SALL4: variants seen among roughly 807,000 people sequenced by gnomAD.
The protein encoded by SALL4 is sal-like protein 4.
SALL4 carries 4 observed loss-of-function variants against 60.8 expected under a neutral mutation model. The ratio of observed to expected loss-of-function variants is 0.07; its 90% confidence interval spans 0.03 to 0.15. SALL4 has a LOEUF of 0.15. Among genes scored for constraint, SALL4 ranks in the 10% least tolerant of loss-of-function variants. The probability of loss-of-function intolerance (pLI) is 1.00; values close to 1 mark genes in which losing one functional copy is unlikely to be tolerated. For missense variants in SALL4, 1,178 were observed against 1,394.7 expected, an observed-to-expected ratio of 0.84 and a Z score of 2.48; for synonymous variants, 580 against 574.9, an observed-to-expected ratio of 1.01 and a Z score of -0.13.
chr20:51,796,006 C>T (rs1358829810), intron 1 of SALL4, among the ~76,000 whole-genome samples: 2 of 151,920 alleles, frequency 1.3e-5, no homozygotes, highest in African/African-American at 4.8e-5. Flanking sequence ...ACCAGCCTGG[C>T]CAACATGGTG....
rs1015843712 is a variant in SALL4, at chr20:51,788,546, C to A, written c.2742+315G>T. Among the ~76,000 whole-genome samples the A allele has an allele frequency of 3.9e-5, 6 of 152,008 alleles. No homozygotes were observed. The highest frequency in any genetic ancestry group is 1.5e-5 in the Non-Finnish European group (1 of 67,996). ...TCTACTAAAAATACAAAAAAATTAG[C>A]CGGCCATGGTGGCGGACGCCTGTAG... On this transcript the variant is annotated intron_variant, in intron 3 of 3. Transcript: ENST00000217086. The surrounding 1 kb of genome is among the most constrained non-coding windows in gnomAD (Gnocchi z 4.1).
At position 51,788,094 on chromosome 20, in the gene SALL4, G is replaced by T. The variant is rs546344964; in HGVS notation, c.2742+767C>A. ...CTGCCTTGGCCTCTCAAAGTACTCA[G>T]ATTATGGGTGCTGAGCCACTGCACC... On this transcript the variant is annotated intron_variant, in intron 3 of 3. Transcript: ENST00000217086. This position sits in a 1 kb window ranked among gnomAD's most constrained non-coding sequence, Gnocchi z 4.1. Among the ~76,000 whole-genome samples, 2 of 151,624 alleles carry T rather than the reference G, an allele frequency of 1.3e-5. No individual in the cohort carries two copies. The highest frequency in any genetic ancestry group is 3.9e-4 in the East Asian group (2 of 5,132).
In SALL4 at chr20:51,801,193, G is replaced by C. The variant is rs2078107534; in HGVS notation, c.130+1086C>G. ...GGGCCGGGATGGAGACGAGATAGTG[G>C]AAAACCGCCTCGCTCCTAAAACCTC... is the stretch of plus-strand genomic sequence containing the variant. On this transcript the variant is annotated intron_variant, in intron 1 of 3. Transcript: ENST00000217086. This position sits in a 1 kb window ranked among gnomAD's most constrained non-coding sequence, Gnocchi z 5.2. Among the ~76,000 whole-genome samples, 2 of 152,154 alleles carry C rather than the reference G, an allele frequency of 1.3e-5. No individual in the cohort carries two copies. Among genetic ancestry groups the C allele is most frequent in the African/African-American group, 4.8e-5 (2 of 41,442 alleles).
At chr20:51,785,718 G>A (rs528461520) in intron 3 of SALL4, among the ~76,000 whole-genome samples, 32 of 150,828 alleles carry the variant, frequency 2.1e-4, no homozygotes, top group African/African-American at 6.1e-4. Flanking sequence ...ATCTCGGCTC[G>A]CTGCAACCTC....
rs2077978504 is a variant in SALL4, at chr20:51,784,587, T to C, written c.2840A>G (p.Lys947Arg). ...CTTGGGAAAGATTTCTGAGACTCTTTTTCCGTCCGTACCTAACAGAGCCAT... is the reference window on the plus strand; with the variant it reads ...CTTGGGAAAGATTTCTGAGACTCTTCTTCCGTCCGTACCTAACAGAGCCAT... ...NTMALLGTDG[K>R]RVSEIFPKEI... The change falls in exon 4 of 4, where the codon AAA (lysine) becomes AGA (arginine). Residue 947 changes from lysine to arginine, a missense_variant. Physicochemically the swap from Lys to Arg is conservative, Grantham distance 26 (BLOSUM62 2). Transcript: ENST00000217086. 1 of 1,614,132 alleles carries C rather than the reference T, an allele frequency of 6.2e-7. No homozygotes were observed.
At chr20:51,795,632 T>C (rs1222837849) in intron 1 of SALL4, among the ~76,000 whole-genome samples, 2 of 152,138 alleles carry the variant, frequency 1.3e-5, no homozygotes, top group Non-Finnish European at 2.9e-5. Flanking sequence ...TTTAAAACAG[T>C]TTCTCTTGTT....
chr20:51,788,841 G>A lies in SALL4; in HGVS notation c.2742+20C>T, dbSNP rs374178570. The A allele has an allele frequency of 1.1e-5, 17 of 1,613,364 alleles. No homozygotes were observed. The highest frequency in any genetic ancestry group is 2.2e-5 in the East Asian group (1 of 44,884). ...CCTGGTGCCTAGCCCCCATCCTGCT[G>A]AAAGCCCACACAAACCCACCTTTAA... is the stretch of plus-strand genomic sequence containing the variant. On this transcript the variant is annotated intron_variant, in intron 3 of 3. Coordinates refer to ENST00000217086, the MANE Select transcript of SALL4 (RefSeq NM_020436.5). This position sits in a 1 kb window ranked among gnomAD's most constrained non-coding sequence, Gnocchi z 4.1.
At position 51,787,671 on chromosome 20, in the gene SALL4, A is replaced by G. The variant is rs570595921; in HGVS notation, c.2742+1190T>C. Among the ~76,000 whole-genome samples the G allele has an allele frequency of 3.2e-4, 48 of 151,092 alleles. 1 individual carries two copies. Among genetic ancestry groups the G allele is most frequent in the African/African-American group, 1.1e-3 (46 of 41,146 alleles). ...TTTTCAGCTTCTTTTTTTTTTATTT[A>G]TATGAATTTAATTTTTGTAGAGATG... On this transcript the variant is annotated intron_variant, in intron 3 of 3. Transcript: ENST00000217086.
intron 1 of SALL4, among the ~76,000 whole-genome samples, chr20:51,795,501 T>C (rs1002134928): frequency 6.6e-6 from 1 of 152,214 alleles, no homozygotes; most frequent in Admixed American, 6.5e-5. Context: ...AGATAAATAG[T>C]ATCTATCTGT....
At chr20:51,796,385 C>G (rs2078080187) in intron 1 of SALL4, among the ~76,000 whole-genome samples, 1 of 152,150 alleles carries the variant, frequency 6.6e-6, no homozygotes, top group Non-Finnish European at 1.5e-5. Flanking sequence ...TTGTCCAAAC[C>G]AGGCCCAGGC....
At chr20:51,799,279 GAA>G (rs1189470882) in intron 1 of SALL4, among the ~76,000 whole-genome samples, 1 of 151,968 alleles carries the variant, frequency 6.6e-6, no homozygotes, top group South Asian at 2.1e-4. Flanking sequence ...CAAAAACTCA[GAA>G]AAAACAAAAA....
intron 2 of SALL4, 147 bp downstream of exon 2, chr20:51,789,875 C>T: frequency 1.1e-6 from 1 of 905,834 alleles, no homozygotes; most frequent in African/African-American, 1.7e-5. Flanking sequence ...GTTACTATTG[C>T]CCTCTACCCA....
At chr20:51,796,019 ACT>A (rs984767613) in intron 1 of SALL4, among the ~76,000 whole-genome samples, 1 of 151,806 alleles carries the variant, frequency 6.6e-6, no homozygotes, top group Non-Finnish European at 1.5e-5. Flanking sequence ...ACATGGTGAA[ACT>A]CTGTCTCTAC....
chr20:51,789,889 G>A, intron 2 of SALL4, 133 bp downstream of exon 2: 1 of 1,072,428 alleles, frequency 9.3e-7, no homozygotes, highest in South Asian at 1.3e-5. Context: ...CTACCCAGAA[G>A]TAAAGAAAAG....
chr20:51,802,429 G>T lies in SALL4; in HGVS notation c.-21C>A, dbSNP rs986053950. On this transcript the variant is annotated 5_prime_UTR_variant, in exon 1 of 4. Transcript: ENST00000217086. ...GACATGGTGCGAGCATCGGGGCGCC[G>T]GGAGAGCCGCAGTTATTTGCCCTCT... The T allele has an allele frequency of 6.2e-7, 1 of 1,612,572 alleles. No individual in the cohort carries two copies. Among genetic ancestry groups the T allele is most frequent in the Middle Eastern group, 1.7e-4 (1 of 5,940 alleles).
chr20:51,784,220 G>C lies in SALL4; in HGVS notation c.*45C>G. The C allele has an allele frequency of 6.2e-7, 1 of 1,602,608 alleles. No homozygotes were observed. Among genetic ancestry groups the C allele is most frequent in the Non-Finnish European group, 8.5e-7 (1 of 1,171,424 alleles). ...TTCTTACAAAACAAAGCAGATTCTAGAGATTTCACTGTGTCTGCATTGCTC... is the reference window on the plus strand; with the variant it reads ...TTCTTACAAAACAAAGCAGATTCTACAGATTTCACTGTGTCTGCATTGCTC... On this transcript the variant is annotated 3_prime_UTR_variant, in exon 4 of 4. Transcript: ENST00000217086.
chr20:51,785,398 G>C (rs1156448841), intron 3 of SALL4, among the ~76,000 whole-genome samples: 1 of 152,204 alleles, frequency 6.6e-6, no homozygotes, highest in Admixed American at 6.5e-5. Flanking sequence ...CTCAAAGTCT[G>C]ATCTCTACTG....
Position 51,790,026 on chromosome 20 carries a change from C to T in SALL4, c.2457G>A (p.Met819Ile). 6.2e-7 allele frequency: 1 copy of T among 1,614,196 alleles called. No homozygotes were observed. Among genetic ancestry groups the T allele is most frequent in the Non-Finnish European group, 8.5e-7 (1 of 1,180,048 alleles). ...AESSENSRTE[M>I]EGRSSLPSTF... ...TTAAATCCAAAGCTCTATCACCTTC[C>T]ATCTCAGTGCGGCTGTTCTCGGAGC... Residue 819 changes from methionine to isoleucine, a missense_variant, in exon 2 of 4, where the codon ATG becomes ATA. Around this residue, in one of 5 missense-constraint regions of SALL4, gnomAD observed 853 missense variants for 1,036.8 expected, o/e 0.82. Coordinates refer to ENST00000217086, the MANE Select transcript of SALL4 (RefSeq NM_020436.5). This position sits in a 1 kb window ranked among gnomAD's most constrained non-coding sequence, Gnocchi z 5.5.
At chr20:51,799,557 T>C (rs747010408) in intron 1 of SALL4, among the ~76,000 whole-genome samples, 7 of 152,238 alleles carry the variant, frequency 4.6e-5, no homozygotes, top group Admixed American at 3.9e-4. Context: ...AAGGAGCTGT[T>C]TGGCAAATTG....
Sources: allele counts gnomAD v4.1 joint callset (sites outside exome capture counted in the v4.1 genomes callset), GRCh38; gene constraint gnomAD v4.1.1; regional missense constraint gnomAD v4.1.1; non-coding constraint Gnocchi (gnomAD v3.1); transcripts MANE v1.5; gene names NCBI Gene and HGNC (gene_info 2026-07-23, HGNC 2026-07-21).